The following NEFH variants were observed in gnomAD, a reference collection of about 807,000 sequenced individuals.
NEFH encodes neurofilament heavy chain, also known as neurofilament heavy polypeptide.
A neutral mutation model predicts 56.6 loss-of-function variants in NEFH; 58 were observed. That is an observed-to-expected ratio of 1.03 (90% CI 0.83 to 1.28). NEFH has a LOEUF of 1.28. Ranked by LOEUF, NEFH falls within the 50% of genes most tolerant of loss-of-function variation. The pLI is 0.00. For missense variants in NEFH, 1,221 were observed against 1,307.6 expected, an observed-to-expected ratio of 0.93 and a Z score of 1.02; for synonymous variants, 542 against 545.8, an observed-to-expected ratio of 0.99 and a Z score of 0.10.
intron 1 of NEFH, among the ~76,000 whole-genome samples, chr22:29,482,149 C>G (rs2063014991): frequency 6.6e-6 from 1 of 152,202 alleles, no homozygotes; most frequent in Non-Finnish European, 1.5e-5. Context: ...GCAGGGAAAG[C>G]TGGGATTTTG....
In NEFH at chr22:29,490,455, A is replaced by G. The variant is rs781011266; in HGVS notation, c.2815A>G (p.Lys939Glu). 2.5e-6 allele frequency: 4 copies of G among 1,598,244 alleles called. No individual in the cohort carries two copies. The highest frequency in any genetic ancestry group is 1.4e-5 in the African/African-American group (1 of 73,646). The change falls in exon 4 of 4, where the codon AAG (lysine) becomes GAG (glutamate). Residue 939 changes from lysine to glutamate, a missense_variant. By Grantham distance (56) the Lys-to-Glu change is moderately conservative. Around this residue, in one of 4 missense-constraint regions of NEFH, gnomAD observed 301 missense variants for 346.6 expected, o/e 0.87. Coordinates refer to ENST00000310624, the MANE Select transcript of NEFH (RefSeq NM_021076.4). Reference sequence around the variant, plus strand: ...GAAGGAACCAGATGATGCCAAGGCCAAGGAACCCAGCAAACCAGCAGAGAA... The same window carrying G: ...GAAGGAACCAGATGATGCCAAGGCCGAGGAACCCAGCAAACCAGCAGAGAA... The part of the protein sequence containing the change: ...AKKEPDDAKA[K>E]EPSKPAEKKE...
rs780966618 is a variant in NEFH at position 29,480,403 on chromosome 22, C to T, written c.141C>T (p.Phe47=). 4.5e-5 allele frequency: 69 copies of T among 1,535,578 alleles called. No individual in the cohort carries two copies. Among genetic ancestry groups the T allele is most frequent in the South Asian group, 8.3e-5 (7 of 84,118 alleles). ...TRSAAGSSSG[F]HSWTRTSVSS... is the part of the protein sequence containing the mutation. The stretch of plus-strand genomic sequence containing the variant: ...CCGCCGCTGGCTCCTCCAGCGGCTT[C>T]CACTCGTGGACACGGACGTCCGTGA... The change falls in exon 1 of 4, where the codon TTC becomes TTT. Residue 47 remains phenylalanine (F), a synonymous_variant. Coordinates refer to ENST00000310624, the MANE Select transcript of NEFH (RefSeq NM_021076.4).
chr22:29,480,764 C>G lies in NEFH; in HGVS notation c.502C>G (p.Arg168Gly). 6.9e-7 allele frequency: 1 copy of G among 1,445,262 alleles called. No individual in the cohort carries two copies. 89.5% of individuals were successfully genotyped at this position (1,445,262 alleles called of 1,614,324 possible). A position where few individuals can be genotyped will look rare whatever the true frequency, so the allele number is the denominator to read the frequency against. The change falls in exon 1 of 4, where the codon CGC (arginine) becomes GGC (glycine). Residue 168 changes from arginine to glycine, a missense_variant. Physicochemically the swap from Arg to Gly is moderately radical, Grantham distance 125. Coordinates refer to ENST00000310624, the MANE Select transcript of NEFH (RefSeq NM_021076.4). ...CCTGGGCGCGGCGCGCGGTCAGCTA[C>G]GCCTGGAGCAGGAGCACCTGCTCGA... ...LRLGAARGQL[R>G]LEQEHLLEDI... is the part of the protein sequence containing the mutation.
chr22:29,486,885 C>T (rs192136638), intron 3 of NEFH, among the ~76,000 whole-genome samples: 1 of 152,296 alleles, frequency 6.6e-6, no homozygotes, highest in East Asian at 1.9e-4. Flanking sequence ...AGTTCCTTAT[C>T]CCCTCCCCAG....
In NEFH at chr22:29,490,239, AAGG is replaced by A. The variant is rs773102493; in HGVS notation, c.2603_2605del (p.Glu868del). 6.2e-7 allele frequency: 1 copy of A among 1,611,452 alleles called. No individual in the cohort carries two copies. Among genetic ancestry groups the A allele is most frequent in the South Asian group, 1.1e-5 (1 of 90,784 alleles). ...CAGCAAGAAAGAGGAGGCACCCAAG[AAGG>A]AGGCTCCAAAGCCCAAGGTGGAGGA... On this transcript the variant is annotated inframe_deletion, in exon 4 of 4. Transcript: ENST00000310624.
At chr22:29,488,605 A>G (rs957167086) in intron 3 of NEFH, among the ~76,000 whole-genome samples, 10 of 151,832 alleles carry the variant, frequency 6.6e-5, no homozygotes, top group African/African-American at 2.4e-4. Context: ...ACACAGTGAG[A>G]CCCTCTCAAA....
chr22:29,485,911 T>C, intron 3 of NEFH, 64 bp downstream of exon 3: 1 of 1,602,436 alleles, frequency 6.2e-7, no homozygotes, highest in Non-Finnish European at 8.5e-7. Flanking sequence ...CGCTAAGCCT[T>C]GGGTTTCAAG....
At chr22:29,481,337 G>A (rs1401148002) in intron 1 of NEFH, among the ~76,000 whole-genome samples, 192 bp downstream of exon 1, 3 of 152,158 alleles carry the variant, frequency 2.0e-5, no homozygotes, top group East Asian at 3.9e-4. Context: ...CCCCAACTCT[G>A]GGTTGTCCTT....
Position 29,489,826 on chromosome 22 carries a change from A to G in NEFH, c.2186A>G (p.Glu729Gly), listed in dbSNP as rs1171596087. 1.9e-6 allele frequency: 3 copies of G among 1,613,236 alleles called. No homozygotes were observed. The highest frequency in any genetic ancestry group is 2.5e-6 in the Non-Finnish European group (3 of 1,179,766). The change falls in exon 4 of 4, where the codon GAA becomes GGA. Residue 729 changes from glutamate to glycine, a missense_variant. This residue lies in a region of NEFH where 301 missense variants were observed against 346.6 expected (regional missense o/e 0.87). Transcript: ENST00000310624. The part of the protein sequence containing the change: ...PEKAKSPVKE[E>G]AKTPEKAKSP... ...AAGGCCAAGTCCCCAGTGAAGGAAG[A>G]AGCAAAGACCCCCGAGAAGGCCAAG... is the stretch of plus-strand genomic sequence containing the variant.
chr22:29,483,253 TG>T, intron 1 of NEFH, 121 bp from the exon 2 acceptor site: 1 of 922,108 alleles, frequency 1.1e-6, no homozygotes, highest in Non-Finnish European at 1.6e-6. Flanking sequence ...CCCTCCAGCC[TG>T]GGCGAGAGCG....
chr22:29,490,531 A>T lies in NEFH; in HGVS notation c.2891A>T (p.Lys964Met), dbSNP rs1193204827. Reference protein sequence around the residue: ...KKDTKEEKAKKPEEKPKTEAK... With the variant: ...KKDTKEEKAKMPEEKPKTEAK... Reference sequence around the variant, plus strand: ...GACACCAAGGAGGAGAAGGCCAAGAAGCCTGAGGAGAAACCCAAGACAGAG... The same window carrying T: ...GACACCAAGGAGGAGAAGGCCAAGATGCCTGAGGAGAAACCCAAGACAGAG... The change falls in exon 4 of 4, where the codon AAG (lysine) becomes ATG (methionine). Residue 964 changes from lysine (K) to methionine (M), a missense_variant. Around this residue, in one of 4 missense-constraint regions of NEFH, gnomAD observed 301 missense variants for 346.6 expected, o/e 0.87. Coordinates refer to ENST00000310624, the MANE Select transcript of NEFH (RefSeq NM_021076.4). The T allele has an allele frequency of 1.9e-6, 3 of 1,604,052 alleles. No individual in the cohort carries two copies. The Admixed American group carries it at 5.2e-5, about 28-fold the overall frequency.
intron 2 of NEFH, among the ~76,000 whole-genome samples, chr22:29,484,503 A>G (rs151051572): frequency 2.0e-3 from 301 of 152,160 alleles, no homozygotes; most frequent in Non-Finnish European, 3.4e-3. Flanking sequence ...TTAACTGGGC[A>G]TGGTGGTGCG....
At chr22:29,481,395 C>T (rs1423601773) in intron 1 of NEFH, among the ~76,000 whole-genome samples, 1 of 152,152 alleles carries the variant, frequency 6.6e-6, no homozygotes, top group African/African-American at 2.4e-5. Flanking sequence ...AACTCTGGGC[C>T]CCCTGCTGCT....
At position 29,488,856 on chromosome 22, in the gene NEFH, C is replaced by T. The variant is rs775301355; in HGVS notation, c.1216C>T (p.Leu406=). The T allele has an allele frequency of 1.2e-6, 2 of 1,614,198 alleles. No homozygotes were observed. Among genetic ancestry groups the T allele is most frequent in the East Asian group, 4.5e-5 (2 of 44,892 alleles). The stretch of plus-strand genomic sequence containing the variant: ...CCGTGATCCATCCTGCAGAAAACTC[C>T]TGGAAGGTGAAGAGTGTCGGATTGG... ...DIEIAAYRKL[L]EGEECRIGFG... is the part of the protein sequence containing the mutation. The change falls in exon 4 of 4, where the codon CTG becomes TTG. Residue 406 remains leucine (L), a synonymous_variant. Transcript: ENST00000310624.
At position 29,489,690 on chromosome 22, in the gene NEFH, G is replaced by A; in HGVS notation, c.2050G>A (p.Val684Met). 6.2e-7 allele frequency: 1 copy of A among 1,609,386 alleles called. No individual in the cohort carries two copies. The highest frequency in any genetic ancestry group is 1.1e-5 in the South Asian group (1 of 90,710). ...AKSPEKAKSP[V>M]KAEAKSPEKA... ...GTCCCCTGAGAAGGCCAAGTCCCCA[G>A]TGAAGGCAGAAGCAAAGTCCCCTGA... The change falls in exon 4 of 4, where the codon GTG (valine) becomes ATG (methionine). Residue 684 changes from valine to methionine, a missense_variant. Coordinates refer to ENST00000310624, the MANE Select transcript of NEFH (RefSeq NM_021076.4).
chr22:29,480,483 C>T lies in NEFH; in HGVS notation c.221C>T (p.Thr74Ile). 6.5e-7 allele frequency: 1 copy of T among 1,533,582 alleles called. No individual in the cohort carries two copies. The highest frequency in any genetic ancestry group is 1.4e-5 in the African/African-American group (1 of 73,074). The allele number at this position is 1,533,582 out of a possible 1,614,324, so 95.0% of individuals were successfully genotyped here. ...CGTGGCGCAGGCGCCGCCTCAAGCA[C>T]CGACTCGCTGGACACGCTGAGCAAC... Reference protein sequence around the residue: ...RFRGAGAASSTDSLDTLSNGP... With the variant: ...RFRGAGAASSIDSLDTLSNGP... The change falls in exon 1 of 4, where the codon ACC becomes ATC. Residue 74 changes from threonine to isoleucine, a missense_variant. Thr to Ile is a moderately conservative substitution (Grantham distance 89). This residue lies in a region of NEFH where 640 missense variants were observed against 555.5 expected (regional missense o/e 1.15). Transcript: ENST00000310624.
rs1164098530 is a variant in NEFH, at chr22:29,489,510, G to A, written c.1870G>A (p.Glu624Lys). ...GGCTGAGGCCAAGTCCCCAGTGAAG[G>A]AAGAAGCAAAATCTCCAGCTGAGGT... is the stretch of plus-strand genomic sequence containing the variant. ...SPAEAKSPVK[E>K]EAKSPAEVKS... Residue 624 changes from glutamate (E) to lysine (K), a missense_variant, in exon 4 of 4, where the codon GAA (glutamate) becomes AAA (lysine). Glu to Lys is a moderately conservative substitution (Grantham distance 56, BLOSUM62 1). Transcript: ENST00000310624. The A allele has an allele frequency of 3.1e-6, 5 of 1,599,892 alleles. No individual in the cohort carries two copies. The South Asian group carries it at 5.5e-5, about 18-fold the overall frequency.
At chr22:29,484,069 C>T (rs556890096) in intron 2 of NEFH, among the ~76,000 whole-genome samples, 1 of 152,122 alleles carries the variant, frequency 6.6e-6, no homozygotes, top group East Asian at 1.9e-4. Context: ...AGGCTGGTCT[C>T]AAACTCCTGG....
Position 29,481,076 on chromosome 22 carries a change from C to A in NEFH, c.814C>A (p.Arg272Ser). 6.5e-7 allele frequency: 1 copy of A among 1,532,014 alleles called. No individual in the cohort carries two copies. The highest frequency in any genetic ancestry group is 1.4e-5 in the African/African-American group (1 of 72,842). 94.9% of individuals were successfully genotyped at this position (1,532,014 alleles called of 1,614,324 possible). Residue 272 changes from arginine to serine, a missense_variant, in exon 1 of 4, where the codon CGC becomes AGC. Around this residue, in one of 4 missense-constraint regions of NEFH, gnomAD observed 640 missense variants for 555.5 expected, o/e 1.15. Coordinates refer to ENST00000310624, the MANE Select transcript of NEFH (RefSeq NM_021076.4). Reference sequence around the variant, plus strand: ...GAAGTGCGACGTGACGTCGGCGCTGCGCGAGATTCGCGCGCAGCTTGAAGG... The same window carrying A: ...GAAGTGCGACGTGACGTCGGCGCTGAGCGAGATTCGCGCGCAGCTTGAAGG... ...ALKCDVTSAL[R>S]EIRAQLEGHA... is the part of the protein sequence containing the mutation.
Sources: allele counts gnomAD v4.1 joint callset (sites outside exome capture counted in the v4.1 genomes callset), GRCh38; gene constraint gnomAD v4.1.1; regional missense constraint gnomAD v4.1.1; transcripts MANE v1.5; gene names NCBI Gene and HGNC (gene_info 2026-07-23, HGNC 2026-07-21).